LARGE1: variants seen among roughly 807,000 people sequenced by gnomAD.
LARGE1 encodes the protein LARGE xylosyl- and glucuronyltransferase 1, also known as xylosyl- and glucuronyltransferase LARGE1.
In LARGE1, 43 loss-of-function variants were observed where a neutral mutation model predicts 87.6. The ratio of observed to expected loss-of-function variants is 0.49; its 90% confidence interval spans 0.38 to 0.63. The LOEUF is 0.63. Among genes scored for constraint, LARGE1 ranks in the 30% least tolerant of loss-of-function variants. LARGE1 has a pLI of 0.00. For missense variants in LARGE1, 802 were observed against 1,000.2 expected, an observed-to-expected ratio of 0.80 and a Z score of 2.67; for synonymous variants, 434 against 394.6, an observed-to-expected ratio of 1.10 and a Z score of -1.18.
At chr22:33,891,457 T>C (rs1432892031) in intron 1 of LARGE1, among the ~76,000 whole-genome samples, 1 of 146,264 alleles carries the variant, frequency 6.8e-6, no homozygotes, top group African/African-American at 2.5e-5. Flanking sequence ...AAAAAAACTG[T>C]ATTGAGAGGA....
At chr22:33,148,988 AT>A in the LARGE1 span, among the ~76,000 whole-genome samples, 7 of 150,154 alleles carry the variant, frequency 4.7e-5, no homozygotes, top group African/African-American at 1.7e-4. Flanking sequence ...CAGATATTTG[AT>A]TCAGACATAT....
chr22:33,573,121 T>C (rs781013236), intron 5 of LARGE1, among the ~76,000 whole-genome samples: 19 of 152,058 alleles, frequency 1.2e-4, no homozygotes, highest in Non-Finnish European at 2.5e-4. Flanking sequence ...TTATGACTGA[T>C]GATACTAAGA....
chr22:33,366,488 G>A (rs1421046270), intron 9 of LARGE1, among the ~76,000 whole-genome samples: 2 of 152,154 alleles, frequency 1.3e-5, no homozygotes, highest in East Asian at 1.9e-4. Context: ...AATGACACGT[G>A]GATTTTTCAA....
chr22:33,717,027 A>G (rs1424446462), intron 2 of LARGE1, among the ~76,000 whole-genome samples: 1 of 152,238 alleles, frequency 6.6e-6, no homozygotes, highest in Admixed American at 6.5e-5. Flanking sequence ...TGGAAATGAC[A>G]AATGATTCCC....
intron 2 of LARGE1, among the ~76,000 whole-genome samples, chr22:33,735,365 A>G (rs2083618044): frequency 6.6e-6 from 1 of 152,066 alleles, no homozygotes; most frequent in Non-Finnish European, 1.5e-5. Flanking sequence ...AGAACCATGC[A>G]CTCCCTGGGT....
Position 33,829,442 on chromosome 22 carries a change from ATTTG to A in LARGE1, c.-82-67888_-82-67885del, listed in dbSNP as rs1288636797. On this transcript the variant is annotated intron_variant, in intron 1 of 14. Coordinates refer to ENST00000397394, the MANE Select transcript of LARGE1 (RefSeq NM_133642.5). Reference sequence around the variant, plus strand: ...ATGCCACCTGACGTATTTCATACCTATTTGTTTGTTTACTATAAGATCCACTGGG... The same window carrying A: ...ATGCCACCTGACGTATTTCATACCTATTTGTTTACTATAAGATCCACTGGG... 6.6e-5 allele frequency among the ~76,000 whole-genome samples: 10 copies of A among 152,050 alleles called. No individual in the cohort carries two copies. In the East Asian group the frequency reaches 1.9e-3, roughly 29 times the overall value.
chr22:33,145,161 A>G, the LARGE1 span, among the ~76,000 whole-genome samples: 2 of 152,136 alleles, frequency 1.3e-5, no homozygotes, highest in Non-Finnish European at 2.9e-5. Flanking sequence ...ATGAAATACA[A>G]AAACATATGA....
chr22:33,363,670 T>C (rs1281895313), intron 9 of LARGE1, among the ~76,000 whole-genome samples: 1 of 149,944 alleles, frequency 6.7e-6, no homozygotes, highest in Non-Finnish European at 1.5e-5. Flanking sequence ...GTTTAACTCA[T>C]AATTAGGCAC....
At chr22:33,406,891 C>T (rs1235408079) in intron 7 of LARGE1, among the ~76,000 whole-genome samples, 1 of 152,094 alleles carries the variant, frequency 6.6e-6, no homozygotes, top group Middle Eastern at 3.2e-3. Flanking sequence ...CTCCCAGGTT[C>T]AGGCGATTCT....
intron 1 of LARGE1, among the ~76,000 whole-genome samples, chr22:33,777,456 C>T (rs1431416004): frequency 2.6e-5 from 4 of 152,096 alleles, no homozygotes; most frequent in Admixed American, 2.0e-4. Context: ...TGGGCTACAA[C>T]ATGAGACCTC....
intron 10 of LARGE1, among the ~76,000 whole-genome samples, chr22:33,319,151 A>G (rs991845578): frequency 2.0e-5 from 3 of 152,204 alleles, no homozygotes; most frequent in African/African-American, 7.2e-5. Flanking sequence ...AAAGCGGCAC[A>G]GTTTATTTCT....
intron 12 of LARGE1, among the ~76,000 whole-genome samples, chr22:33,289,993 G>C (rs1171936735): frequency 1.3e-5 from 2 of 152,126 alleles, no homozygotes; most frequent in African/African-American, 4.8e-5. Flanking sequence ...GAAGGGGTAG[G>C]GGTGGGTGCA....
At chr22:33,675,493 C>T (rs931323604) in intron 2 of LARGE1, among the ~76,000 whole-genome samples, 2 of 151,678 alleles carry the variant, frequency 1.3e-5, no homozygotes, top group Admixed American at 6.6e-5. Context: ...GTATAAAAGC[C>T]GTGGGGTAGG....
chr22:33,711,389 G>T (rs1300472522), intron 2 of LARGE1, among the ~76,000 whole-genome samples: 1 of 152,168 alleles, frequency 6.6e-6, no homozygotes, highest in East Asian at 1.9e-4. Context: ...CCTCAATTTA[G>T]AATTCTTCAC....
intron 7 of LARGE1, among the ~76,000 whole-genome samples, chr22:33,389,176 C>G (rs1419259292): frequency 1.3e-5 from 2 of 152,224 alleles, no homozygotes; most frequent in Non-Finnish European, 2.9e-5. Flanking sequence ...TAGAGTGTAT[C>G]ATGGCCAGAC....
intron 5 of LARGE1, among the ~76,000 whole-genome samples, chr22:33,584,743 C>T (rs559176741): frequency 6.6e-6 from 1 of 152,196 alleles, no homozygotes; most frequent in Admixed American, 6.5e-5. Context: ...AGGACTTTCC[C>T]CACATACGTA....
intron 7 of LARGE1, among the ~76,000 whole-genome samples, chr22:33,414,732 T>C (rs577968094): frequency 6.6e-6 from 1 of 152,164 alleles, no homozygotes; most frequent in Non-Finnish European, 1.5e-5. Flanking sequence ...GAGGATGGTA[T>C]TGGGGAGTTG....
At chr22:33,137,889 G>T in the LARGE1 span, among the ~76,000 whole-genome samples, 2 of 152,174 alleles carry the variant, frequency 1.3e-5, no homozygotes, top group Non-Finnish European at 2.9e-5. Flanking sequence ...GAAGTTTGCT[G>T]TAGGGGTGGG....
At chr22:33,831,490 G>A (rs79166545) in intron 1 of LARGE1, among the ~76,000 whole-genome samples, 2,385 of 152,158 alleles carry the variant, frequency 0.016, 56 homozygotes, top group African/African-American at 0.055. Flanking sequence ...GAGGCTCATC[G>A]GAAGCTGCCT....
Sources: allele counts gnomAD v4.1 joint callset (sites outside exome capture counted in the v4.1 genomes callset), GRCh38; gene constraint gnomAD v4.1.1; transcripts MANE v1.5; gene names NCBI Gene and HGNC (gene_info 2026-07-23, HGNC 2026-07-21).